Variants in ADGRL3 observed in about 807,000 individuals in gnomAD.
The protein encoded by ADGRL3 is calcium-independent alpha-latrotoxin receptor 3.
A neutral mutation model predicts 153.5 loss-of-function variants in ADGRL3; 62 were observed. The ratio of observed to expected loss-of-function variants is 0.40; its 90% CI spans 0.33 to 0.50. The LOEUF (loss-of-function observed/expected upper bound fraction) is 0.50, where lower values mean the gene tolerates loss of function less well. ADGRL3 is among the 20% of genes least tolerant of loss of function. The probability of loss-of-function intolerance (pLI) is 0.47; values close to 1 mark genes in which losing one functional copy is unlikely to be tolerated. For missense variants in ADGRL3, 1,641 were observed against 1,859.4 expected (o/e 0.88, Z 2.16); for synonymous variants, 710 against 672.5 (o/e 1.06, Z -0.86).
chr4:61,369,899 A>G (rs1346216971), intron 1 of ADGRL3, among the ~76,000 whole-genome samples: 1 of 152,084 alleles, frequency 6.6e-6, no homozygotes, highest in Non-Finnish European at 1.5e-5. Flanking sequence ...TATTGCCACA[A>G]TTTCAGATCC....
intron 22 of ADGRL3, among the ~76,000 whole-genome samples, chr4:62,029,391 G>A (rs1720720145): frequency 6.6e-6 from 1 of 151,598 alleles, no homozygotes; most frequent in South Asian, 2.1e-4. Context: ...TTTTACATAT[G>A]CAAAATTATC....
chr4:61,380,046 A>G (rs955231752), intron 1 of ADGRL3, among the ~76,000 whole-genome samples: 5 of 151,960 alleles, frequency 3.3e-5, no homozygotes, highest in Non-Finnish European at 5.9e-5. Context: ...TTAACTTGCC[A>G]AAAAAGTAAG....
intron 6 of ADGRL3, among the ~76,000 whole-genome samples, chr4:61,702,659 AT>A (rs1487602452): frequency 6.6e-6 from 1 of 152,124 alleles, no homozygotes; most frequent in East Asian, 1.9e-4. Flanking sequence ...AGGAAAAGAA[AT>A]TTGCTGAAAG....
chr4:61,699,965 C>CA (rs1475739325), intron 6 of ADGRL3, among the ~76,000 whole-genome samples: 2 of 148,944 alleles, frequency 1.3e-5, no homozygotes, highest in Non-Finnish European at 1.5e-5. Flanking sequence ...CACACACACA[C>CA]ACAAAAACAC....
At chr4:61,888,609 T>TG (rs1245638954) in intron 9 of ADGRL3, among the ~76,000 whole-genome samples, 2 of 152,148 alleles carry the variant, frequency 1.3e-5, no homozygotes, top group Non-Finnish European at 2.9e-5. Flanking sequence ...AGGATGGGTA[T>TG]GGGGGATCAG....
At chr4:61,254,993 T>C (rs1037945758) in intron 1 of ADGRL3, among the ~76,000 whole-genome samples, 5 of 152,166 alleles carry the variant, frequency 3.3e-5, no homozygotes, top group African/African-American at 1.2e-4. Context: ...TATGACACTC[T>C]TGTACTTTTT....
intron 15 of ADGRL3, 26 bp from the exon 16 acceptor site, chr4:61,946,887 AC>A: frequency 6.4e-7 from 1 of 1,562,634 alleles, no homozygotes; most frequent in South Asian, 1.1e-5. Context: ...GAGTGGACAA[AC>A]TAATCAGAGT....
chr4:61,708,502 G>C (rs1239009031), intron 6 of ADGRL3, among the ~76,000 whole-genome samples: 2 of 150,660 alleles, frequency 1.3e-5, no homozygotes, highest in African/African-American at 2.4e-5. Flanking sequence ...TTTATTATTT[G>C]AAATTTTCAT....
intron 9 of ADGRL3, among the ~76,000 whole-genome samples, chr4:61,827,093 A>G (rs2097813909): frequency 6.6e-6 from 1 of 152,184 alleles, no homozygotes; most frequent in African/African-American, 2.4e-5. Context: ...TTGCAGGACT[A>G]AATTCTGAGT....
At chr4:61,426,504 G>A (rs2097283522) in intron 2 of ADGRL3, among the ~76,000 whole-genome samples, 1 of 152,136 alleles carries the variant, frequency 6.6e-6, no homozygotes, top group Admixed American at 6.5e-5. Context: ...CACTTTCACT[G>A]ACTGGCCTCC....
Position 62,031,577 on chromosome 4 carries a change from T to C in ADGRL3, c.3558T>C (p.Phe1186=). ...TTTTCAATTCTCTACAGGGAATGTT[T>C]ATATTTATTTTCCATTGTGTCCTAC... ...FTIFNSLQGM[F]IFIFHCVLQK... Residue 1186 remains phenylalanine, a synonymous_variant, in exon 23 of 27, where the codon TTT becomes TTC. Transcript: ENST00000683033. 6.2e-7 allele frequency: 1 copy of C among 1,609,504 alleles called. No homozygotes were observed. The highest frequency in any genetic ancestry group is 8.5e-7 in the Non-Finnish European group (1 of 1,176,784).
intron 1 of ADGRL3, among the ~76,000 whole-genome samples, chr4:61,263,820 G>A (rs2092692411): frequency 6.6e-6 from 1 of 151,710 alleles, no homozygotes. Context: ...GTGATTCATT[G>A]GTTAACAGAA....
intron 1 of ADGRL3, among the ~76,000 whole-genome samples, chr4:61,215,293 T>G (rs1742121305): frequency 6.6e-6 from 1 of 152,218 alleles, no homozygotes; most frequent in Non-Finnish European, 1.5e-5. Flanking sequence ...TGCATGAATG[T>G]GCTTTATGGA....
At chr4:61,600,830 G>A (rs968038202) in intron 5 of ADGRL3, among the ~76,000 whole-genome samples, 2 of 151,906 alleles carry the variant, frequency 1.3e-5, no homozygotes, top group Admixed American at 6.6e-5. Context: ...TTAGCTTCAC[G>A]TTCTAAAAAA....
chr4:61,378,635 G>A (rs919123443), intron 1 of ADGRL3, among the ~76,000 whole-genome samples: 2 of 152,008 alleles, frequency 1.3e-5, no homozygotes, highest in African/African-American at 4.8e-5. Context: ...CAAGCTCGCT[G>A]TTATGGAATT....
chr4:61,605,143 A>G (rs1037063981), intron 5 of ADGRL3, among the ~76,000 whole-genome samples: 43 of 150,524 alleles, frequency 2.9e-4, no homozygotes, highest in African/African-American at 9.5e-4. Flanking sequence ...TAAAAAGTAT[A>G]TTATGATCAC....
At chr4:61,405,700 AT>A (rs1251076655) in intron 2 of ADGRL3, among the ~76,000 whole-genome samples, 1 of 151,904 alleles carries the variant, frequency 6.6e-6, no homozygotes, top group Non-Finnish European at 1.5e-5. Context: ...GGAATCACAG[AT>A]TTTTTACCCT....
intron 3 of ADGRL3, among the ~76,000 whole-genome samples, chr4:61,503,144 C>A (rs1351103943): frequency 6.6e-6 from 1 of 152,100 alleles, no homozygotes; most frequent in African/African-American, 2.4e-5. Context: ...GATAGCTTTA[C>A]TTTATGTGTA....
At chr4:61,394,176 C>A (rs1282889016) in intron 2 of ADGRL3, among the ~76,000 whole-genome samples, 1 of 151,656 alleles carries the variant, frequency 6.6e-6, no homozygotes, top group Non-Finnish European at 1.5e-5. Flanking sequence ...ATATAATTTT[C>A]CTGAGTGATA....
Sources: gnomAD v4.1 joint callset for allele counts (sites outside exome capture counted in the v4.1 genomes callset) on GRCh38, gnomAD v4.1.1 for gene constraint, MANE v1.5 for transcripts, NCBI Gene and HGNC (gene_info 2026-07-23, HGNC 2026-07-21) for gene names.